UBE2E1: variants seen among roughly 807,000 people sequenced by gnomAD.
UBE2E1 encodes the protein ubiquitin-conjugating enzyme E2 E1.
Under a neutral mutation model 21.4 loss-of-function variants are expected in UBE2E1, and 6 were observed. The observed-to-expected ratio is 0.28, with a 90% CI of 0.15 to 0.55. The LOEUF (loss-of-function observed/expected upper bound fraction) is 0.55, where lower values mean the gene tolerates loss of function less well. Among genes scored for constraint, UBE2E1 ranks in the 20% least tolerant of loss-of-function variants. The pLI is 0.93. For synonymous variants in UBE2E1, 87 were observed against 82.7 expected (o/e 1.05, Z -0.28); for missense variants, 142 against 236.5 (o/e 0.60, Z 2.62).
intron 3 of UBE2E1, among the ~76,000 whole-genome samples, chr3:23,877,068 A>G (rs1365635340): frequency 6.6e-6 from 1 of 152,192 alleles, no homozygotes; most frequent in Admixed American, 6.5e-5. Flanking sequence ...AATCCTCTGT[A>G]GCTGGCTTCT....
chr3:23,851,312 G>C (rs1317175448), intron 3 of UBE2E1, among the ~76,000 whole-genome samples: 1 of 152,148 alleles, frequency 6.6e-6, no homozygotes, highest in African/African-American at 2.4e-5. Flanking sequence ...AGTAAGTTTT[G>C]AAATTGAGAA....
At chr3:23,888,131 C>A in intron 4 of UBE2E1, 1 of 431,858 alleles carries the variant, frequency 2.3e-6, no homozygotes, top group Non-Finnish European at 4.6e-6. Context: ...CAAAAAAAGG[C>A]AGGGCAGGTC....
rs570927894 is a variant in UBE2E1, at chr3:23,854,723, T to G, written c.204-32844T>G. On this transcript the variant is annotated intron_variant, in intron 3 of 5. Coordinates refer to ENST00000306627, the MANE Select transcript of UBE2E1 (RefSeq NM_003341.5). ...GGACAATAACTTTTGTGTGTGCTCT[T>G]GGAAGTAGCAGCTCCTTGTGGCTTT... is the stretch of plus-strand genomic sequence containing the variant. Among the ~76,000 whole-genome samples, 5 of 152,370 alleles carry G rather than the reference T, an allele frequency of 3.3e-5. No individual in the cohort carries two copies. In the South Asian group the frequency reaches 6.2e-4, roughly 19 times the overall value.
intron 3 of UBE2E1, among the ~76,000 whole-genome samples, chr3:23,826,606 T>C (rs1001274936): frequency 6.6e-6 from 1 of 152,216 alleles, no homozygotes; most frequent in African/African-American, 2.4e-5. Flanking sequence ...ATCTGTGATA[T>C]CTAAAAGATT....
intron 3 of UBE2E1, among the ~76,000 whole-genome samples, chr3:23,854,126 T>C (rs1343823953): frequency 6.6e-6 from 1 of 151,474 alleles, no homozygotes; most frequent in Non-Finnish European, 1.5e-5. Context: ...ATTGTGGTAG[T>C]GCATGCCTAT....
chr3:23,842,250 G>GTGTGGTGT lies in UBE2E1; in HGVS notation c.203+30743_203+30744insGGTGTTGT, dbSNP rs1553637746. 0.053 allele frequency among the ~76,000 whole-genome samples: 4,576 copies of GTGTGGTGT among 85,596 alleles called. 162 individuals are homozygous for GTGTGGTGT. The highest frequency in any genetic ancestry group is 0.057 in the Non-Finnish European group (2,452 of 42,884). 56.2% of individuals were successfully genotyped at this position (85,596 alleles called of 152,430 possible). A position where few individuals can be genotyped will look rare whatever the true frequency, so the allele number is the denominator to read the frequency against. On this transcript the variant is annotated intron_variant, in intron 3 of 5. Transcript: ENST00000306627. This position sits in a 1 kb window ranked among gnomAD's most constrained non-coding sequence, Gnocchi z 4.6. ...GTGTGTGTGTGTGTGTGTGTGTGTG[G>GTGTGGTGT]TGTTGTTGTTGTTGGCGACAGGGTC...
intron 3 of UBE2E1, among the ~76,000 whole-genome samples, chr3:23,852,862 C>A (rs1395561363): frequency 6.6e-6 from 1 of 151,956 alleles, no homozygotes; most frequent in African/African-American, 2.4e-5. Flanking sequence ...ACCTTGGCGT[C>A]CCAGAGTGCT....
chr3:23,882,460 T>C (rs1263191721), intron 3 of UBE2E1, among the ~76,000 whole-genome samples: 1 of 152,260 alleles, frequency 6.6e-6, no homozygotes, highest in African/African-American at 2.4e-5. Flanking sequence ...AGGAGCCCAG[T>C]TGGCTTTGCC....
rs961383513 is a variant in UBE2E1 at position 23,887,882 on chromosome 3, T to G, written c.336+183T>G. On this transcript the variant is annotated intron_variant, in intron 4 of 5. Transcript: ENST00000306627. This position sits in a 1 kb window ranked among gnomAD's most constrained non-coding sequence, Gnocchi z 4.4. The stretch of plus-strand genomic sequence containing the variant: ...ATTTTGCCTTATCTGGCAGAGACCA[T>G]TCTAGGATTAAGTGCTTTGTTTTGA... The G allele has an allele frequency of 5.2e-6, 4 of 763,642 alleles. No homozygotes were observed. The highest frequency in any genetic ancestry group is 8.0e-6 in the Non-Finnish European group (4 of 499,580). The allele number at this position is 763,642 out of a possible 1,614,324, so 47.3% of individuals were successfully genotyped here.
At chr3:23,889,454 C>T (rs1477617611) in intron 5 of UBE2E1, 195 bp downstream of exon 5, 7 of 1,420,910 alleles carry the variant, frequency 4.9e-6, no homozygotes, top group Non-Finnish European at 6.4e-6. Flanking sequence ...TCAGTATATT[C>T]TAGCAACAAG....
Position 23,865,859 on chromosome 3 carries a change from C to T in UBE2E1, c.204-21708C>T, listed in dbSNP as rs117358846. On this transcript the variant is annotated intron_variant, in intron 3 of 5. Transcript: ENST00000306627. Reference sequence around the variant, plus strand: ...CTTACCAGTCATTCTAGGCTTGTTACGTTTAGGTAGCTGTGAAATGTCCCA... The same window carrying T: ...CTTACCAGTCATTCTAGGCTTGTTATGTTTAGGTAGCTGTGAAATGTCCCA... Among the ~76,000 whole-genome samples the T allele has an allele frequency of 8.7e-4, 132 of 152,268 alleles. 1 individual carries two copies. The East Asian group carries it at 0.02, about 23-fold the overall frequency.
At chr3:23,871,384 G>C (rs553716094) in intron 3 of UBE2E1, among the ~76,000 whole-genome samples, 2 of 13,402 alleles carry the variant, frequency 1.5e-4, no homozygotes, top group South Asian at 6.2e-3. Context: ...CGGGCGGGGG[G>C]CTGACCCCCC....
chr3:23,819,027 G>A (rs1239286091), intron 3 of UBE2E1, among the ~76,000 whole-genome samples: 2 of 152,214 alleles, frequency 1.3e-5, no homozygotes, highest in Non-Finnish European at 2.9e-5. Context: ...GCTTACGCCT[G>A]TAGTCCCAGC....
chr3:23,837,323 T>C (rs1442822976), intron 3 of UBE2E1, among the ~76,000 whole-genome samples: 4 of 152,006 alleles, frequency 2.6e-5, no homozygotes, highest in Non-Finnish European at 5.9e-5. Context: ...AATACAGGAG[T>C]CTGAGTGCTC....
At chr3:23,809,322 C>G (rs1413962022) in intron 2 of UBE2E1, among the ~76,000 whole-genome samples, 1 of 152,024 alleles carries the variant, frequency 6.6e-6, no homozygotes, top group African/African-American at 2.4e-5. Context: ...TTAGTGGGAC[C>G]CTATAGAGGC....
intron 3 of UBE2E1, among the ~76,000 whole-genome samples, chr3:23,867,991 A>G (rs1700695185): frequency 6.6e-6 from 1 of 152,230 alleles, no homozygotes; most frequent in South Asian, 2.1e-4. Flanking sequence ...GCAGTCATAA[A>G]TATTTCCTAT....
chr3:23,807,513 G>C (rs962417975), intron 2 of UBE2E1, 92 bp downstream of exon 2: 4 of 1,477,264 alleles, frequency 2.7e-6, no homozygotes, highest in Non-Finnish European at 3.6e-6. Context: ...TAGCTTAAAC[G>C]CTCCTCATGG....
In UBE2E1 at chr3:23,845,589, C is replaced by CTGTGTGTGTGTG. The variant is rs377458829; in HGVS notation, c.203+34095_203+34106dup. Among the ~76,000 whole-genome samples, 761 of 121,320 alleles carry CTGTGTGTGTGTG rather than the reference C, an allele frequency of 6.3e-3. 7 individuals are homozygous for CTGTGTGTGTGTG. Among genetic ancestry groups the CTGTGTGTGTGTG allele is most frequent in the South Asian group, 0.014 (44 of 3,108 alleles). 79.6% of individuals were successfully genotyped at this position (121,320 alleles called of 152,430 possible). A position where few individuals can be genotyped will look rare whatever the true frequency, so the allele number is the denominator to read the frequency against. ...TCTCTCTCTCTCTCTCTCTCTCTCT[C>CTGTGTGTGTGTG]TGTGTGTGTGTGTGTGTGTGTGTGT... is the stretch of plus-strand genomic sequence containing the variant. On this transcript the variant is annotated intron_variant, in intron 3 of 5. Coordinates refer to ENST00000306627, the MANE Select transcript of UBE2E1 (RefSeq NM_003341.5).
intron 3 of UBE2E1, among the ~76,000 whole-genome samples, chr3:23,856,298 G>A (rs1169436696): frequency 2.6e-5 from 4 of 152,270 alleles, no homozygotes; most frequent in Middle Eastern, 3.4e-3. Context: ...AAAATGCTGG[G>A]ATTACAGGCA....
Sources: allele counts gnomAD v4.1 joint callset (sites outside exome capture counted in the v4.1 genomes callset), GRCh38; gene constraint gnomAD v4.1.1; non-coding constraint Gnocchi (gnomAD v3.1); transcripts MANE v1.5; gene names NCBI Gene and HGNC (gene_info 2026-07-23, HGNC 2026-07-21).